The following ERBB4 variants were observed in gnomAD, a reference collection of about 807,000 sequenced individuals.
ERBB4 encodes the protein receptor tyrosine-protein kinase erbB-4.
Under a neutral mutation model 158.0 loss-of-function variants are expected in ERBB4, and 42 were observed. The ratio of observed to expected loss-of-function variants is 0.27; its 90% CI spans 0.21 to 0.34. The LOEUF is 0.34. ERBB4 is among the 10% of genes least tolerant of loss of function. The pLI is 1.00. For missense variants in ERBB4, 1,333 were observed against 1,624.1 expected (o/e 0.82, Z 3.08); for synonymous variants, 583 against 558.7 (o/e 1.04, Z -0.61).
At chr2:211,875,025 C>CAAAAA (rs746636278) in intron 3 of ERBB4, among the ~76,000 whole-genome samples, 112 of 26,894 alleles carry the variant, frequency 4.2e-3, no homozygotes, top group Admixed American at 5.6e-3. Context: ...AATAGAAATG[C>CAAAAA]AAAAAAAAAA....
intron 1 of ERBB4, among the ~76,000 whole-genome samples, chr2:212,411,168 TA>T (rs957742075): frequency 6.6e-6 from 1 of 152,088 alleles, no homozygotes; most frequent in Non-Finnish European, 1.5e-5. Flanking sequence ...ATTTATATTT[TA>T]AAAATAAATT....
chr2:211,976,820 C>A (rs1231256761), intron 2 of ERBB4, among the ~76,000 whole-genome samples: 1 of 151,964 alleles, frequency 6.6e-6, no homozygotes, highest in Admixed American at 6.6e-5. Flanking sequence ...AAACTCAGGG[C>A]AAGCATCTAA....
chr2:212,170,318 T>G (rs565374574), intron 1 of ERBB4, among the ~76,000 whole-genome samples: 2 of 152,308 alleles, frequency 1.3e-5, no homozygotes, highest in Admixed American at 1.3e-4. Flanking sequence ...TGGAAAACTT[T>G]GAACTTGAGA....
At chr2:212,254,702 T>C (rs1288099824) in intron 1 of ERBB4, among the ~76,000 whole-genome samples, 1 of 152,168 alleles carries the variant, frequency 6.6e-6, no homozygotes, top group Non-Finnish European at 1.5e-5. Flanking sequence ...CCTAACCTGC[T>C]TTCACAAAGC....
chr2:211,639,276 G>A (rs182978413), intron 16 of ERBB4, among the ~76,000 whole-genome samples: 86 of 152,194 alleles, frequency 5.7e-4, no homozygotes, highest in African/African-American at 1.6e-3. Context: ...CAAATTAACC[G>A]TTAAGTATCA....
chr2:211,766,860 G>A (rs1465650683), intron 4 of ERBB4, among the ~76,000 whole-genome samples: 2 of 152,176 alleles, frequency 1.3e-5, no homozygotes, highest in Non-Finnish European at 1.5e-5. Flanking sequence ...AGAAAGTAAA[G>A]TACTTCTGAT....
intron 20 of ERBB4, among the ~76,000 whole-genome samples, chr2:211,543,594 T>A (rs550078703): frequency 5.9e-5 from 9 of 152,022 alleles, no homozygotes; most frequent in African/African-American, 9.6e-5. Flanking sequence ...GGCATTTTTT[T>A]TAAAAAATCA....
At chr2:211,933,282 G>A (rs905837012) in intron 3 of ERBB4, among the ~76,000 whole-genome samples, 1 of 152,074 alleles carries the variant, frequency 6.6e-6, no homozygotes, top group African/African-American at 2.4e-5. Context: ...CATTCACTAT[G>A]TGAACAATGG....
intron 2 of ERBB4, among the ~76,000 whole-genome samples, chr2:212,040,650 G>A (rs1046981344): frequency 1.5e-4 from 23 of 151,962 alleles, no homozygotes; most frequent in African/African-American, 5.3e-4. Context: ...TGGTAGCTCC[G>A]GTAAGTGTTT....
At chr2:212,471,295 T>A (rs1361924255) in intron 1 of ERBB4, among the ~76,000 whole-genome samples, 3 of 152,060 alleles carry the variant, frequency 2.0e-5, no homozygotes. Context: ...TCATTGTCTA[T>A]GTTCATCAAC....
intron 3 of ERBB4, among the ~76,000 whole-genome samples, chr2:211,940,899 T>C (rs942247535): frequency 2.0e-5 from 3 of 152,176 alleles, no homozygotes; most frequent in East Asian, 1.9e-4. Context: ...AACGAATCAG[T>C]TGTCTGAGAA....
chr2:212,058,988 A>G (rs2077672607), intron 2 of ERBB4, among the ~76,000 whole-genome samples: 2 of 152,208 alleles, frequency 1.3e-5, no homozygotes, highest in Non-Finnish European at 2.9e-5. Flanking sequence ...TTAGGCATAG[A>G]GGAAGTCAAA....
At chr2:211,656,336 C>T (rs1383053040) in intron 16 of ERBB4, among the ~76,000 whole-genome samples, 1 of 152,156 alleles carries the variant, frequency 6.6e-6, no homozygotes, top group African/African-American at 2.4e-5. Flanking sequence ...AGCAAGTATT[C>T]TTCATCCAAA....
chr2:211,751,018 T>C (rs1411416534), intron 4 of ERBB4, among the ~76,000 whole-genome samples: 1 of 152,218 alleles, frequency 6.6e-6, no homozygotes, highest in Admixed American at 6.5e-5. Context: ...CTTTCACTGT[T>C]CAGCATTATT....
At chr2:211,488,188 G>A (rs1441198771) in intron 20 of ERBB4, among the ~76,000 whole-genome samples, 3 of 151,984 alleles carry the variant, frequency 2.0e-5, no homozygotes, top group Non-Finnish European at 2.9e-5. Flanking sequence ...CCCCCAGCAT[G>A]TACACTTCCA....
At chr2:211,953,465 C>CAAAAAAAAA (rs36024345) in intron 2 of ERBB4, among the ~76,000 whole-genome samples, 37 of 85,420 alleles carry the variant, frequency 4.3e-4, no homozygotes, top group Non-Finnish European at 6.0e-4. Context: ...GGTTTTTCTC[C>CAAAAAAAAA]AAAAAAAAAA....
chr2:211,510,899 A>G (rs1009934970), intron 20 of ERBB4, among the ~76,000 whole-genome samples: 2 of 152,000 alleles, frequency 1.3e-5, no homozygotes, highest in African/African-American at 4.8e-5. Flanking sequence ...GAGTATATTT[A>G]TATCTTGAAA....
chr2:211,551,937 T>C (rs559645446), intron 20 of ERBB4, among the ~76,000 whole-genome samples: 2 of 152,316 alleles, frequency 1.3e-5, no homozygotes, highest in African/African-American at 4.8e-5. Flanking sequence ...TATTCAAGCC[T>C]TAAGGAAGCT....
chr2:212,142,616 T>A (rs2125608542), intron 1 of ERBB4, among the ~76,000 whole-genome samples: 1 of 147,712 alleles, frequency 6.8e-6, no homozygotes, highest in South Asian at 2.1e-4. Context: ...TTAAAATATA[T>A]ATATAATATA....
Sources: allele counts gnomAD v4.1 joint callset (sites outside exome capture counted in the v4.1 genomes callset), GRCh38; gene constraint gnomAD v4.1.1; transcripts MANE v1.5; gene names NCBI Gene and HGNC (gene_info 2026-07-23, HGNC 2026-07-21).